Variants in SLC66A2 observed in about 807,000 individuals in gnomAD.
The protein encoded by SLC66A2 is solute carrier family 66 member 2.
In SLC66A2, 23 loss-of-function variants were observed where a neutral mutation model predicts 25.5. The ratio of observed to expected loss-of-function variants is 0.90; its 90% CI spans 0.65 to 1.28. SLC66A2 has a LOEUF of 1.28. Ranked by LOEUF, SLC66A2 falls within the 50% of genes most tolerant of loss-of-function variation. The pLI is 0.00. For missense variants in SLC66A2, 396 were observed against 373.1 expected (o/e 1.06, Z -0.51); for synonymous variants, 193 against 166.5 (o/e 1.16, Z -1.23).
intron 4 of SLC66A2, among the ~76,000 whole-genome samples, chr18:79,926,311 C>A (rs1411986410): frequency 6.6e-6 from 1 of 152,110 alleles, no homozygotes; most frequent in Non-Finnish European, 1.5e-5. Flanking sequence ...GTGCGAGACC[C>A]AAGAGTCCTT....
intron 4 of SLC66A2, among the ~76,000 whole-genome samples, chr18:79,928,902 C>T (rs545484564): frequency 1.2e-4 from 18 of 152,232 alleles, no homozygotes; most frequent in African/African-American, 4.3e-4. Context: ...CAGGGGCAAA[C>T]TAAGAAGACC....
chr18:79,918,859 G>A lies in SLC66A2; in HGVS notation c.608+325C>T, dbSNP rs887444902. On this transcript the variant is annotated intron_variant, in intron 5 of 5. Transcript: ENST00000397778. The surrounding 1 kb of genome is among the most constrained non-coding windows in gnomAD (Gnocchi z 4.0). ...CCCGCCCTGACCCTGGGCCAGGCTG[G>A]TTGCCCTGCACTCCTCCTGCCCCGT... 3.9e-5 allele frequency among the ~76,000 whole-genome samples: 6 copies of A among 152,206 alleles called. No homozygotes were observed. The highest frequency in any genetic ancestry group is 1.4e-4 in the African/African-American group (6 of 41,462).
chr18:79,950,858 C>T lies in SLC66A2; in HGVS notation c.69G>A (p.Ala23=), dbSNP rs2051096373. Residue 23 remains alanine (A), a synonymous_variant, in exon 2 of 6, where the codon GCG becomes GCA. Coordinates refer to ENST00000397778, the MANE Select transcript of SLC66A2 (RefSeq NM_025078.5). ...GCACCACCCCTCCGAAGACCATGGC[C>T]GCGGCCGCGCCCCAGGACACCAGCT... ...LHQLVSWGAA[A]AMVFGGVVPY... 6.2e-7 allele frequency: 1 copy of T among 1,609,482 alleles called. No individual in the cohort carries two copies. Among genetic ancestry groups the T allele is most frequent in the Non-Finnish European group, 8.5e-7 (1 of 1,178,660 alleles).
chr18:79,914,686 G>C (rs755154839), intron 5 of SLC66A2, among the ~76,000 whole-genome samples: 3 of 152,230 alleles, frequency 2.0e-5, no homozygotes, highest in South Asian at 4.1e-4. Flanking sequence ...CACAGCAAGG[G>C]GGGCAGAGGT....
intron 3 of SLC66A2, among the ~76,000 whole-genome samples, chr18:79,942,346 C>A (rs1987748375): frequency 6.6e-6 from 1 of 152,222 alleles, no homozygotes; most frequent in South Asian, 2.1e-4. Flanking sequence ...CCAGGTCACA[C>A]TGGCTGGAGG....
chr18:79,907,213 T>A (rs1332993379), intron 5 of SLC66A2, among the ~76,000 whole-genome samples: 1 of 151,920 alleles, frequency 6.6e-6, no homozygotes, highest in Non-Finnish European at 1.5e-5. Flanking sequence ...ACCATTTTAA[T>A]TTTTTTTGGT....
At chr18:79,913,477 C>T (rs1983534307) in intron 5 of SLC66A2, among the ~76,000 whole-genome samples, 1 of 152,250 alleles carries the variant, frequency 6.6e-6, no homozygotes, top group Admixed American at 6.5e-5. Context: ...AGCTTTATCA[C>T]ATCTCATTAC....
intron 4 of SLC66A2, among the ~76,000 whole-genome samples, chr18:79,928,742 C>T (rs928339480): frequency 4.6e-5 from 7 of 152,058 alleles, no homozygotes; most frequent in Non-Finnish European, 8.8e-5. Flanking sequence ...GCAGCAGTGG[C>T]GGGCACCCGA....
At chr18:79,933,161 G>A (rs1986738189) in intron 4 of SLC66A2, among the ~76,000 whole-genome samples, 1 of 152,162 alleles carries the variant, frequency 6.6e-6, no homozygotes, top group South Asian at 2.1e-4. Flanking sequence ...ATCAATCAAT[G>A]TAGTACATCA....
chr18:79,918,171 A>G lies in SLC66A2; in HGVS notation c.608+1013T>C, dbSNP rs950301773. ...CTGCCCACACGCCAAACCTGCAAAT[A>G]CTCAGAGGTCTCTGAAAGCCCTCAA... On this transcript the variant is annotated intron_variant, in intron 5 of 5. Transcript: ENST00000397778. This position sits in a 1 kb window ranked among gnomAD's most constrained non-coding sequence, Gnocchi z 4.0. Among the ~76,000 whole-genome samples, 1 of 151,920 alleles carries G rather than the reference A, an allele frequency of 6.6e-6. No individual in the cohort carries two copies. Among genetic ancestry groups the G allele is most frequent in the African/African-American group, 2.4e-5 (1 of 41,346 alleles).
rs1461538304 is a variant in SLC66A2 at position 79,951,569 on chromosome 18, C to G, written c.-100+12G>C. On this transcript the variant is annotated intron_variant, in intron 1 of 5. Transcript: ENST00000397778. Reference sequence around the variant, plus strand: ...CCCCCCGAGGACCCCGCGCCGCCCCCGCGCTCCTTACCTGCGCCCCCAGCC... The same window carrying G: ...CCCCCCGAGGACCCCGCGCCGCCCCGGCGCTCCTTACCTGCGCCCCCAGCC... 6.6e-6 allele frequency: 1 copy of G among 152,062 alleles called. No individual in the cohort carries two copies. The allele number at this position is 152,062 out of a possible 1,614,324, so 9.4% of individuals were successfully genotyped here.
Position 79,918,798 on chromosome 18 carries a change from A to G in SLC66A2, c.608+386T>C, listed in dbSNP as rs903226770. Among the ~76,000 whole-genome samples, 1 of 152,186 alleles carries G rather than the reference A, an allele frequency of 6.6e-6. No homozygotes were observed. The highest frequency in any genetic ancestry group is 2.4e-5 in the African/African-American group (1 of 41,444). ...GGGGAAAGACCGAGGACAGTGTCCA[A>G]GGCAGCCCCCAGACCACCTTCCCTG... is the stretch of plus-strand genomic sequence containing the variant. On this transcript the variant is annotated intron_variant, in intron 5 of 5. Coordinates refer to ENST00000397778, the MANE Select transcript of SLC66A2 (RefSeq NM_025078.5). The surrounding 1 kb of genome is among the most constrained non-coding windows in gnomAD (Gnocchi z 4.0).
rs1281459900 is a variant in SLC66A2 at position 79,910,776 on chromosome 18, C to CGGA, written c.609-6596_609-6594dup. On this transcript the variant is annotated intron_variant, in intron 5 of 5. Transcript: ENST00000397778. ...ATGGCTGGGCGTGTTCCAGTGTAGA[C>CGGA]GGAGGAGGCCAGGGCACGTTTGTTT... Among the ~76,000 whole-genome samples the CGGA allele has an allele frequency of 2.6e-5, 4 of 151,826 alleles. No homozygotes were observed. In the East Asian group the frequency reaches 7.7e-4, roughly 29 times the overall value.
At chr18:79,948,952 C>T (rs905078766) in intron 2 of SLC66A2, among the ~76,000 whole-genome samples, 2 of 152,204 alleles carry the variant, frequency 1.3e-5, no homozygotes, top group Admixed American at 6.5e-5. Context: ...GCCACTGCAG[C>T]ACCGCCAGCC....
chr18:79,917,465 G>C lies in SLC66A2; in HGVS notation c.608+1719C>G, dbSNP rs1190974227. ...TGATGCTCTGGAGGGCACAGGCCTG[G>C]CACCCAGGCACCTCCCACAGATCTC... On this transcript the variant is annotated intron_variant, in intron 5 of 5. Transcript: ENST00000397778. The surrounding 1 kb of genome is among the most constrained non-coding windows in gnomAD (Gnocchi z 6.0). Among the ~76,000 whole-genome samples, 1 of 152,146 alleles carries C rather than the reference G, an allele frequency of 6.6e-6. No homozygotes were observed. Among genetic ancestry groups the C allele is most frequent in the Admixed American group, 6.5e-5 (1 of 15,284 alleles).
At chr18:79,930,757 T>G (rs1986486805) in intron 4 of SLC66A2, among the ~76,000 whole-genome samples, 1 of 152,132 alleles carries the variant, frequency 6.6e-6, no homozygotes, top group African/African-American at 2.4e-5. Context: ...CAGAAAGAAA[T>G]GAAAGGAACC....
rs553748930 is a variant in SLC66A2, at chr18:79,917,208, C to T, written c.608+1976G>A. On this transcript the variant is annotated intron_variant, in intron 5 of 5. Coordinates refer to ENST00000397778, the MANE Select transcript of SLC66A2 (RefSeq NM_025078.5). The surrounding 1 kb of genome is among the most constrained non-coding windows in gnomAD (Gnocchi z 6.0). ...CCGCCTCGGCCAGCATCTGGAAACT[C>T]GGGTTTGAAGAGGATTCCCACGTCC... Among the ~76,000 whole-genome samples the T allele has an allele frequency of 1.2e-4, 19 of 152,364 alleles. No individual in the cohort carries two copies. In the East Asian group the frequency reaches 1.9e-3, roughly 15 times the overall value.
At chr18:79,922,672 G>A (rs184820747) in intron 4 of SLC66A2, among the ~76,000 whole-genome samples, 1 of 152,080 alleles carries the variant, frequency 6.6e-6, no homozygotes, top group Admixed American at 6.5e-5. Flanking sequence ...TAGCGGCAGG[G>A]AAAAGGTGAA....
rs1391360190 is a variant in SLC66A2, at chr18:79,940,983, C to T, written c.337+2346G>A. Among the ~76,000 whole-genome samples, 1 of 152,078 alleles carries T rather than the reference C, an allele frequency of 6.6e-6. No individual in the cohort carries two copies. The highest frequency in any genetic ancestry group is 1.5e-5 in the Non-Finnish European group (1 of 67,996). ...CAGGCTGACCCCAGGAGCCCGGCCC[C>T]CTACCCCTCGTGGCGGCCCTGGACT... On this transcript the variant is annotated intron_variant, in intron 3 of 5. Transcript: ENST00000397778. The surrounding 1 kb of genome is among the most constrained non-coding windows in gnomAD (Gnocchi z 4.1).
Sources: gnomAD v4.1 joint callset for allele counts (sites outside exome capture counted in the v4.1 genomes callset) on GRCh38, gnomAD v4.1.1 for gene constraint, Gnocchi (gnomAD v3.1) non-coding constraint, MANE v1.5 for transcripts, NCBI Gene and HGNC (gene_info 2026-07-23, HGNC 2026-07-21) for gene names.